The following PDE1A variants were observed in gnomAD, a reference collection of about 807,000 sequenced individuals.
The protein encoded by PDE1A is dual specificity calcium/calmodulin-dependent 3',5'-cyclic nucleotide phosphodiesterase 1A.
PDE1A carries 35 observed loss-of-function variants against 61.7 expected under a neutral mutation model. The observed-to-expected ratio is 0.57, with a 90% CI of 0.43 to 0.75. The LOEUF is 0.75. Among genes scored for constraint, PDE1A ranks in the 30% least tolerant of loss-of-function variants. PDE1A has a pLI of 0.00. For missense variants in PDE1A, 597 were observed against 630.6 expected, an observed-to-expected ratio of 0.95 and a Z score of 0.57; for synonymous variants, 232 against 213.2, an observed-to-expected ratio of 1.09 and a Z score of -0.77.
intron 1 of PDE1A, among the ~76,000 whole-genome samples, chr2:182,387,152 T>C (rs1312149805): frequency 6.6e-6 from 1 of 152,182 alleles, no homozygotes; most frequent in East Asian, 1.9e-4. Context: ...ATGTGCTGTG[T>C]CCACTCAGGG....
intron 13 of PDE1A, among the ~76,000 whole-genome samples, chr2:182,183,181 A>T (rs188358022): frequency 6.1e-4 from 93 of 152,354 alleles, no homozygotes; most frequent in Non-Finnish European, 1.1e-3. Context: ...TATGGTGAAG[A>T]GGAATACTTC....
the PDE1A span, among the ~76,000 whole-genome samples, chr2:182,558,920 C>T: frequency 1.3e-5 from 2 of 152,172 alleles, no homozygotes; most frequent in Non-Finnish European, 2.9e-5. Context: ...CTCCAAAAGG[C>T]TGTTGAGGAA....
At chr2:182,508,960 CT>C (rs1290546677) in intron 2 of PDE1A, among the ~76,000 whole-genome samples, 1 of 146,674 alleles carries the variant, frequency 6.8e-6, no homozygotes, top group African/African-American at 2.5e-5. Context: ...TCCCTCCCCC[CT>C]ACCCCCAGCC....
At chr2:182,695,592 G>A in the PDE1A span, among the ~76,000 whole-genome samples, 2 of 149,746 alleles carry the variant, frequency 1.3e-5, no homozygotes, top group Admixed American at 6.7e-5. Flanking sequence ...GCGTGAACCC[G>A]GGAGGCGGAG....
chr2:182,501,071 C>T (rs1343141323), intron 2 of PDE1A, among the ~76,000 whole-genome samples: 2 of 152,150 alleles, frequency 1.3e-5, no homozygotes, highest in Non-Finnish European at 1.5e-5. Flanking sequence ...TGAGCATGTG[C>T]AAATTTACAA....
At chr2:182,569,254 A>ACCCTGTCTCAAATATATATATATATAT in the PDE1A span, among the ~76,000 whole-genome samples, 1 of 138,538 alleles carries the variant, frequency 7.2e-6, no homozygotes, top group African/African-American at 2.8e-5. Context: ...ACCTGTCTCA[A>ACCCTGTCTCAAATATATATATATATAT]ATATATATAT....
chr2:182,235,605 G>T (rs1288673239), intron 3 of PDE1A, among the ~76,000 whole-genome samples: 1 of 152,122 alleles, frequency 6.6e-6, no homozygotes, highest in Non-Finnish European at 1.5e-5. Context: ...TTCTATTCGG[G>T]ACTCTGAAAG....
chr2:182,359,357 G>C (rs1290008225), intron 1 of PDE1A, among the ~76,000 whole-genome samples: 2 of 152,072 alleles, frequency 1.3e-5, no homozygotes, highest in African/African-American at 2.4e-5. Context: ...ATAAATAACA[G>C]TAATAAATCC....
At chr2:182,327,210 T>C (rs1305372720) in intron 1 of PDE1A, among the ~76,000 whole-genome samples, 1 of 152,070 alleles carries the variant, frequency 6.6e-6, no homozygotes, top group East Asian at 1.9e-4. Context: ...ATCAATGCTG[T>C]GGAAAAATTA....
the PDE1A span, among the ~76,000 whole-genome samples, chr2:182,553,221 G>A: frequency 6.6e-6 from 1 of 152,194 alleles, no homozygotes; most frequent in African/African-American, 2.4e-5. Context: ...CACGAGGCTT[G>A]CCACCATCTT....
intron 3 of PDE1A, among the ~76,000 whole-genome samples, chr2:182,238,266 CA>C (rs3063250): frequency 0.01 from 1,004 of 98,018 alleles, 21 homozygotes; most frequent in African/African-American, 0.035. Context: ...CAGACTACGT[CA>C]AAAAAAAAAA....
exon 4 of PDE1A, chr2:182,234,478 T>A (rs772687702): frequency 6.2e-6 from 10 of 1,604,318 alleles, no homozygotes; most frequent in Non-Finnish European, 8.5e-7. Flanking sequence ...ACCAACCATA[T>A]GATATGTTTT....
chr2:182,575,925 A>G, the PDE1A span, among the ~76,000 whole-genome samples: 1 of 146,956 alleles, frequency 6.8e-6, no homozygotes, highest in Admixed American at 6.9e-5. Flanking sequence ...TCATATTATT[A>G]TACTATATAT....
intron 1 of PDE1A, among the ~76,000 whole-genome samples, chr2:182,389,425 T>C (rs187262667): frequency 2.0e-5 from 3 of 151,634 alleles, no homozygotes; most frequent in African/African-American, 4.9e-5. Context: ...AATAACCCAA[T>C]TAAAAAATGG....
downstream of PDE1A, chr2:182,146,914 A>T: frequency 7.1e-6 from 3 of 421,360 alleles, no homozygotes; most frequent in Non-Finnish European, 8.4e-6. Flanking sequence ...GTCTCAAAGG[A>T]TTGATGATAG....
intron 2 of PDE1A, among the ~76,000 whole-genome samples, chr2:182,257,704 CT>C (rs1302544057): frequency 6.6e-6 from 1 of 152,158 alleles, no homozygotes; most frequent in East Asian, 1.9e-4. Flanking sequence ...TGATTGGCCC[CT>C]ATCTTTATTT....
intron 3 of PDE1A, among the ~76,000 whole-genome samples, chr2:182,238,101 T>C (rs1166299016): frequency 6.6e-6 from 1 of 151,666 alleles, no homozygotes; most frequent in Non-Finnish European, 1.5e-5. Flanking sequence ...ACCCCGTCTC[T>C]ACTAAAAATG....
chr2:182,367,340 C>T (rs1018563680), intron 1 of PDE1A, among the ~76,000 whole-genome samples: 3 of 151,894 alleles, frequency 2.0e-5, no homozygotes, highest in African/African-American at 7.2e-5. Context: ...CATTTGTTTA[C>T]AAGAGTGTGA....
chr2:182,596,270 C>T, the PDE1A span, among the ~76,000 whole-genome samples: 12,477 of 152,170 alleles, frequency 0.082, 1,633 homozygotes, highest in African/African-American at 0.28. Context: ...CAAGCAGCTG[C>T]AGGCAGAGCA....
Sources: allele counts gnomAD v4.1 joint callset (sites outside exome capture counted in the v4.1 genomes callset), GRCh38; gene constraint gnomAD v4.1.1; transcripts MANE v1.5; gene names NCBI Gene and HGNC (gene_info 2026-07-23, HGNC 2026-07-21).